Variants in CTNNA2 observed in about 807,000 individuals in gnomAD.
CTNNA2 encodes the protein catenin alpha 2, also known as catenin alpha-2.
In CTNNA2, 42 loss-of-function variants were observed where a neutral mutation model predicts 101.0. The observed-to-expected ratio is 0.42, with a 90% CI of 0.32 to 0.54. CTNNA2 has a LOEUF of 0.54. Among genes scored for constraint, CTNNA2 ranks in the 20% least tolerant of loss-of-function variants. The probability of loss-of-function intolerance (pLI) is 0.14; values close to 1 mark genes in which losing one functional copy is unlikely to be tolerated. For missense variants in CTNNA2, 871 were observed against 1,223.1 expected (o/e 0.71, Z 4.29); for synonymous variants, 450 against 456.4 (o/e 0.99, Z 0.18).
At chr2:80,576,069 A>G (rs942396324) in intron 13 of CTNNA2, among the ~76,000 whole-genome samples, 1 of 152,200 alleles carries the variant, frequency 6.6e-6, no homozygotes, top group South Asian at 2.1e-4. Flanking sequence ...GATAAACAAT[A>G]AGACAAGTAG....
At chr2:80,069,604 T>C (rs929346877) in intron 7 of CTNNA2, among the ~76,000 whole-genome samples, 2 of 152,224 alleles carry the variant, frequency 1.3e-5, no homozygotes, top group African/African-American at 4.8e-5. Flanking sequence ...TATTATGATG[T>C]GAAATTAACA....
At chr2:79,863,065 A>G (rs1032319119) in intron 4 of CTNNA2, among the ~76,000 whole-genome samples, 4 of 152,124 alleles carry the variant, frequency 2.6e-5, no homozygotes, top group African/African-American at 9.7e-5. Flanking sequence ...GTGCTTGCCA[A>G]CCGTTTTGAA....
intron 6 of CTNNA2, among the ~76,000 whole-genome samples, chr2:79,888,008 T>G (rs549802004): frequency 4.3e-4 from 66 of 152,272 alleles, no homozygotes; most frequent in Admixed American, 9.8e-4. Context: ...TACTACAATT[T>G]ATATATGTAA....
chr2:80,543,370 T>G (rs1464972996), intron 9 of CTNNA2, among the ~76,000 whole-genome samples: 1 of 152,158 alleles, frequency 6.6e-6, no homozygotes, highest in Non-Finnish European at 1.5e-5. Flanking sequence ...GCATATGTCT[T>G]TTCACACTTA....
intron 7 of CTNNA2, among the ~76,000 whole-genome samples, chr2:79,986,380 C>T (rs561495958): frequency 7.0e-4 from 106 of 152,282 alleles, no homozygotes; most frequent in African/African-American, 2.2e-3. Flanking sequence ...GCCCTACCTA[C>T]GGCACCCTGT....
intron 4 of CTNNA2, among the ~76,000 whole-genome samples, chr2:79,420,064 T>G (rs1036645370): frequency 6.6e-6 from 1 of 152,132 alleles, no homozygotes; most frequent in African/African-American, 2.4e-5. Flanking sequence ...CCTCTTGGCA[T>G]TGGCCTCCCA....
chr2:79,834,051 T>A (rs1679129305), intron 3 of CTNNA2, among the ~76,000 whole-genome samples: 1 of 152,170 alleles, frequency 6.6e-6, no homozygotes, highest in Non-Finnish European at 1.5e-5. Context: ...AACACACAAT[T>A]GCACTAAACA....
At chr2:80,113,038 C>A (rs2148864304) in intron 7 of CTNNA2, among the ~76,000 whole-genome samples, 1 of 152,246 alleles carries the variant, frequency 6.6e-6, no homozygotes, top group African/African-American at 2.4e-5. Flanking sequence ...GTGTGGCTGT[C>A]ATGCCCCAGT....
chr2:79,904,979 C>T (rs1006951817), intron 6 of CTNNA2, among the ~76,000 whole-genome samples: 4 of 152,086 alleles, frequency 2.6e-5, no homozygotes, highest in African/African-American at 9.7e-5. Context: ...TTTTATAGAG[C>T]GCCACATGAG....
intron 7 of CTNNA2, among the ~76,000 whole-genome samples, chr2:80,208,629 A>C (rs190238547): frequency 6.6e-6 from 1 of 152,246 alleles, no homozygotes; most frequent in Non-Finnish European, 1.5e-5. Context: ...CGGGGCACAG[A>C]GCATTTAGGG....
At chr2:79,635,390 C>G (rs1323946847) in intron 1 of CTNNA2, among the ~76,000 whole-genome samples, 1 of 151,802 alleles carries the variant, frequency 6.6e-6, no homozygotes, top group Non-Finnish European at 1.5e-5. Context: ...CGAGATCGTG[C>G]CACTGCACTC....
chr2:79,241,882 G>A (rs1355012406), intron 2 of CTNNA2, among the ~76,000 whole-genome samples: 2 of 134,012 alleles, frequency 1.5e-5, no homozygotes, highest in South Asian at 2.5e-4. Flanking sequence ...TCACATTTGG[G>A]TATTTTCTTT....
At chr2:80,300,192 G>A (rs767244619) in intron 7 of CTNNA2, among the ~76,000 whole-genome samples, 81 of 151,966 alleles carry the variant, frequency 5.3e-4, no homozygotes, top group Non-Finnish European at 9.4e-4. Context: ...TGGGTGTCAT[G>A]TGCATGATGT....
chr2:79,217,910 T>TGAC (rs2104214614), intron 2 of CTNNA2, among the ~76,000 whole-genome samples: 1 of 152,300 alleles, frequency 6.6e-6, no homozygotes, highest in Non-Finnish European at 1.5e-5. Flanking sequence ...AACTAGCTTG[T>TGAC]GACACCACAT....
At chr2:80,545,427 C>A (rs1299984886) in intron 10 of CTNNA2, among the ~76,000 whole-genome samples, 1 of 152,068 alleles carries the variant, frequency 6.6e-6, no homozygotes, top group Non-Finnish European at 1.5e-5. Context: ...TTCCTGTAGT[C>A]CCAGTTTACT....
At chr2:80,370,776 T>C (rs1675367890) in intron 7 of CTNNA2, among the ~76,000 whole-genome samples, 1 of 152,196 alleles carries the variant, frequency 6.6e-6, no homozygotes, top group Admixed American at 6.5e-5. Context: ...TATCTTTTCT[T>C]ACTCATCACT....
chr2:79,378,263 T>C (rs1339588714), intron 4 of CTNNA2, among the ~76,000 whole-genome samples: 3 of 152,162 alleles, frequency 2.0e-5, no homozygotes, highest in Non-Finnish European at 4.4e-5. Flanking sequence ...TGGGCAATGG[T>C]GTCTCTAGGA....
At chr2:79,213,987 A>G (rs988794833) in intron 2 of CTNNA2, among the ~76,000 whole-genome samples, 2 of 152,200 alleles carry the variant, frequency 1.3e-5, no homozygotes, top group Non-Finnish European at 1.5e-5. Flanking sequence ...GGACAGAAAC[A>G]CTACAGGGTG....
chr2:79,444,405 A>G lies in CTNNA2; in HGVS notation c.-134-60649A>G, dbSNP rs113180549. ...GAAATATTTTATATTAATTTGTCCA[A>G]TTCAAGGAATCAAGTAGAATTGTCA... is the stretch of plus-strand genomic sequence containing the variant. On this transcript the variant is annotated intron_variant, in intron 4 of 21. Coordinates refer to the CTNNA2 transcript ENST00000466387. Among the ~76,000 whole-genome samples the G allele has an allele frequency of 7.0e-3, 1,072 of 152,258 alleles. 10 individuals are homozygous for G. The highest frequency in any genetic ancestry group is 8.1e-3 in the Non-Finnish European group (554 of 68,008).
Sources: gnomAD v4.1 joint callset for allele counts (sites outside exome capture counted in the v4.1 genomes callset) on GRCh38, gnomAD v4.1.1 for gene constraint, MANE v1.5 for transcripts, NCBI Gene and HGNC (gene_info 2026-07-23, HGNC 2026-07-21) for gene names.